MEI4: variants seen among roughly 807,000 people sequenced by gnomAD.
MEI4 encodes meiotic double-stranded break formation protein 4.
Under a neutral mutation model 31.4 loss-of-function variants are expected in MEI4, and 27 were observed. That is an observed-to-expected ratio of 0.86 (90% confidence interval 0.63 to 1.19). The LOEUF is 1.19. Ranked by LOEUF, MEI4 falls within the 50% of genes most tolerant of loss-of-function variation. The pLI is 0.00. For missense variants in MEI4, 329 were observed against 398.9 expected, an observed-to-expected ratio of 0.82 and a Z score of 1.49; for synonymous variants, 122 against 145.4, an observed-to-expected ratio of 0.84 and a Z score of 1.16.
At chr6:77,844,264 A>G (rs1189952403) in intron 4 of MEI4, among the ~76,000 whole-genome samples, 1 of 152,156 alleles carries the variant, frequency 6.6e-6, no homozygotes, top group African/African-American at 2.4e-5. Flanking sequence ...CATGGTATTA[A>G]TAATTTTTTA....
chr6:77,787,009 G>A (rs1469581443), intron 3 of MEI4, among the ~76,000 whole-genome samples: 7 of 152,140 alleles, frequency 4.6e-5, no homozygotes, highest in African/African-American at 9.6e-5. Context: ...AACACTGGAC[G>A]CACAGCAGAT....
intron 4 of MEI4, among the ~76,000 whole-genome samples, chr6:77,860,267 A>C (rs2127720893): frequency 6.6e-6 from 1 of 152,326 alleles, no homozygotes; most frequent in South Asian, 2.1e-4. Context: ...TCTGTGAAAT[A>C]AAATTTGAAC....
chr6:77,831,831 A>C (rs975323102), intron 4 of MEI4, among the ~76,000 whole-genome samples: 1 of 152,010 alleles, frequency 6.6e-6, no homozygotes, highest in Non-Finnish European at 1.5e-5. Context: ...TCAATAGTAC[A>C]GTTAGTGAAT....
intron 4 of MEI4, among the ~76,000 whole-genome samples, chr6:77,846,174 G>A (rs1199413750): frequency 6.6e-6 from 1 of 151,828 alleles, no homozygotes; most frequent in African/African-American, 2.4e-5. Flanking sequence ...GTGCAGTGGT[G>A]CAATCTCGTC....
intron 3 of MEI4, among the ~76,000 whole-genome samples, chr6:77,823,348 G>A (rs1436776502): frequency 6.6e-6 from 1 of 152,090 alleles, no homozygotes; most frequent in Non-Finnish European, 1.5e-5. Flanking sequence ...TTTTAAAATA[G>A]CTTTTGTTCT....
chr6:77,741,565 A>T (rs1767401233), intron 2 of MEI4, among the ~76,000 whole-genome samples: 1 of 152,110 alleles, frequency 6.6e-6, no homozygotes. Flanking sequence ...TGTCCACTTG[A>T]TGGGTCATGA....
intron 1 of MEI4, among the ~76,000 whole-genome samples, chr6:77,676,605 A>G (rs186490760): frequency 6.6e-6 from 1 of 152,274 alleles, no homozygotes; most frequent in East Asian, 1.9e-4. Context: ...TGCTTTGTAG[A>G]AAAGAAATGA....
chr6:77,820,129 C>T lies in MEI4; in HGVS notation c.769-8802C>T, dbSNP rs565381928. 5.3e-5 allele frequency among the ~76,000 whole-genome samples: 8 copies of T among 151,764 alleles called. No individual in the cohort carries two copies. The highest frequency in any genetic ancestry group is 4.2e-4 in the South Asian group (2 of 4,798). The stretch of plus-strand genomic sequence containing the variant: ...AGGATATGAGTTGTTTTGATAGAAA[C>T]GAAACTGAAATATAAAAGTAAGTAT... On this transcript the variant is annotated intron_variant, in intron 3 of 4. Coordinates refer to ENST00000684080, the MANE Select transcript of MEI4 (RefSeq NM_001322247.2). The surrounding 1 kb of genome is among the most constrained non-coding windows in gnomAD (Gnocchi z 4.5).
At chr6:77,790,082 A>G (rs1379777726) in intron 3 of MEI4, among the ~76,000 whole-genome samples, 1 of 152,092 alleles carries the variant, frequency 6.6e-6, no homozygotes, top group Admixed American at 6.6e-5. Flanking sequence ...GCCATAAAAA[A>G]TGATGAGTTC....
At chr6:77,696,692 T>A (rs1296491794) in intron 2 of MEI4, among the ~76,000 whole-genome samples, 1 of 151,722 alleles carries the variant, frequency 6.6e-6, no homozygotes, top group Non-Finnish European at 1.5e-5. Context: ...GATTTTTGCA[T>A]CAATGTTCAT....
intron 3 of MEI4, among the ~76,000 whole-genome samples, chr6:77,821,085 ATTTG>A (rs1280432995): frequency 1.3e-5 from 2 of 151,574 alleles, no homozygotes; most frequent in African/African-American, 2.4e-5. Flanking sequence ...CTTGTAACTA[ATTTG>A]TTTATTATTT....
At chr6:77,889,218 G>A (rs535275231) in intron 4 of MEI4, among the ~76,000 whole-genome samples, 3 of 152,146 alleles carry the variant, frequency 2.0e-5, no homozygotes, top group Non-Finnish European at 4.4e-5. Flanking sequence ...AATAGGCAGA[G>A]GTTGGAAGTT....
rs1768880137 is a variant in MEI4, at chr6:77,790,247, T to C, written c.768+28582T>C. ...AAGTGGAACATCACACACCAGGGCC[T>C]GTTGTGGGGTGGGGGGAGGGGGGAG... On this transcript the variant is annotated intron_variant, in intron 3 of 4. Coordinates refer to ENST00000684080, the MANE Select transcript of MEI4 (RefSeq NM_001322247.2). Among the ~76,000 whole-genome samples the C allele has an allele frequency of 1.7e-5, 2 of 117,804 alleles. 1 individual carries two copies. Among genetic ancestry groups the C allele is most frequent in the Non-Finnish European group, 3.4e-5 (2 of 58,820 alleles). 77.3% of individuals were successfully genotyped at this position (117,804 alleles called of 152,430 possible). A position where few individuals can be genotyped will look rare whatever the true frequency, so the allele number is the denominator to read the frequency against.
chr6:77,741,163 A>G (rs1767390661), intron 2 of MEI4, among the ~76,000 whole-genome samples: 1 of 152,172 alleles, frequency 6.6e-6, no homozygotes, highest in African/African-American at 2.4e-5. Flanking sequence ...TTAGCATGGC[A>G]TGTTTTGGTG....
intron 3 of MEI4, among the ~76,000 whole-genome samples, chr6:77,772,801 T>C (rs1454005777): frequency 6.6e-6 from 1 of 151,952 alleles, no homozygotes; most frequent in African/African-American, 2.4e-5. Flanking sequence ...TTTGGAAATA[T>C]CCAAAGACTC....
rs562329271 is a variant in MEI4, at chr6:77,901,712, G to A, written c.901-21377G>A. 1.9e-4 allele frequency among the ~76,000 whole-genome samples: 29 copies of A among 152,012 alleles called. No homozygotes were observed. The South Asian group carries it at 6.0e-3, about 32-fold the overall frequency. ...TCCTTGGCTGTTCAGAAGCTTTTTA[G>A]CTTAGTATAATTCCATTTGACTAGC... is the stretch of plus-strand genomic sequence containing the variant. On this transcript the variant is annotated intron_variant, in intron 4 of 4. Transcript: ENST00000684080.
chr6:77,728,559 A>G (rs1300124783), intron 2 of MEI4, among the ~76,000 whole-genome samples: 1 of 152,312 alleles, frequency 6.6e-6, no homozygotes, highest in Admixed American at 6.5e-5. Context: ...AAGCAAGAAA[A>G]CTGAATGTTA....
At chr6:77,734,536 C>T (rs1256058801) in intron 2 of MEI4, among the ~76,000 whole-genome samples, 1 of 151,992 alleles carries the variant, frequency 6.6e-6, no homozygotes, top group Non-Finnish European at 1.5e-5. Context: ...TGTGTCTCTG[C>T]ACGTGAGATG....
intron 2 of MEI4, among the ~76,000 whole-genome samples, chr6:77,708,175 C>T (rs1180192457): frequency 6.6e-6 from 1 of 152,220 alleles, no homozygotes; most frequent in African/African-American, 2.4e-5. Flanking sequence ...CAACTCTAAC[C>T]AGTGAGAGCA....
Sources: gnomAD v4.1 joint callset for allele counts (sites outside exome capture counted in the v4.1 genomes callset) on GRCh38, gnomAD v4.1.1 for gene constraint, Gnocchi (gnomAD v3.1) non-coding constraint, MANE v1.5 for transcripts, NCBI Gene and HGNC (gene_info 2026-07-23, HGNC 2026-07-21) for gene names.